NDRG2: variants seen among roughly 807,000 people sequenced by gnomAD.
NDRG2 encodes the protein protein NDRG2.
Under a neutral mutation model 58.2 loss-of-function variants are expected in NDRG2, and 34 were observed. The ratio of observed to expected loss-of-function variants is 0.58; its 90% CI spans 0.44 to 0.78. The LOEUF is 0.78. Among genes scored for constraint, NDRG2 ranks in the 30% least tolerant of loss-of-function variants. The pLI, the probability that NDRG2 is intolerant of heterozygous loss-of-function variation, is 0.00. For synonymous variants in NDRG2, 187 were observed against 175.9 expected, an observed-to-expected ratio of 1.06 and a Z score of -0.50; for missense variants, 434 against 471.2, an observed-to-expected ratio of 0.92 and a Z score of 0.73.
At chr14:21,026,711 G>A (rs1883684745), upstream of NDRG2, among the ~76,000 whole-genome samples, 2 of 152,016 alleles carry the variant, frequency 1.3e-5, no homozygotes, top group Non-Finnish European at 2.9e-5. Context: ...CCAATTTGGA[G>A]CACCCAACTT....
At chr14:21,036,401 A>G (rs1884631765) in intron 1 of NDRG2, 1 of 374,416 alleles carries the variant, frequency 2.7e-6, no homozygotes, top group African/African-American at 2.1e-5. Context: ...GGCCGCACAT[A>G]AAATACACTA....
chr14:21,018,733 C>T, intron 12 of NDRG2, 30 bp downstream of exon 12: 1 of 1,613,846 alleles, frequency 6.2e-7, no homozygotes, highest in Non-Finnish European at 8.5e-7. Context: ...CAACCCTCCT[C>T]CCTCACTCAC....
At chr14:21,043,472 A>T (rs1885006591) in intron 1 of NDRG2, 1 of 1,565,078 alleles carries the variant, frequency 6.4e-7, no homozygotes, top group Non-Finnish European at 8.6e-7. Flanking sequence ...AGGTTTCCAG[A>T]CTGGCTTGCT....
At chr14:21,044,863 C>T (rs1278341296) in intron 1 of NDRG2, among the ~76,000 whole-genome samples, 1 of 152,202 alleles carries the variant, frequency 6.6e-6, no homozygotes, top group Admixed American at 6.5e-5. Context: ...AACTCCTGTG[C>T]TTTTTTACTA....
chr14:21,040,285 T>C (rs1255777371), intron 1 of NDRG2, among the ~76,000 whole-genome samples: 1 of 152,152 alleles, frequency 6.6e-6, no homozygotes, highest in African/African-American at 2.4e-5. Context: ...TCTAGTGGCA[T>C]TTCTCATCTC....
intron 15 of NDRG2, 57 bp from the exon 16 acceptor site, chr14:21,017,819 G>C: frequency 6.2e-7 from 1 of 1,605,572 alleles, no homozygotes. Flanking sequence ...AGGGGGGCTG[G>C]CGACTCAGGG....
intron 1 of NDRG2, chr14:21,023,547 C>CA (rs1831654087): frequency 3.7e-6 from 2 of 543,178 alleles, no homozygotes; most frequent in Non-Finnish European, 6.6e-6. Flanking sequence ...TCTTGATACT[C>CA]ACCATCCCCA....
Position 21,022,900 on chromosome 14 carries a change from A to C in NDRG2, c.81T>G (p.Ala27=). Residue 27 remains alanine (A), a synonymous_variant, in exon 3 of 16, where the codon GCT becomes GCG. Coordinates refer to ENST00000556147, the MANE Select transcript of NDRG2 (RefSeq NM_001320329.2). ...CCAGGAGGATTCGGGCAGCTAACTCAGCCTCCTGGAGAGACACACACGGAT... is the reference window on the plus strand; with the variant it reads ...CCAGGAGGATTCGGGCAGCTAACTCCGCCTCCTGGAGAGACACACACGGAT... ...PGQTPEAAKE[A]ELAARILLDQ... The C allele has an allele frequency of 6.2e-7, 1 of 1,614,092 alleles. No homozygotes were observed. Among genetic ancestry groups the C allele is most frequent in the Non-Finnish European group, 8.5e-7 (1 of 1,179,982 alleles).
chr14:21,048,627 C>T (rs1248537117), intron 1 of NDRG2: 1 of 152,174 alleles, frequency 6.6e-6, no homozygotes, highest in African/African-American at 2.4e-5. Context: ...TACCACTTCA[C>T]AAGAGTATAA....
At chr14:21,028,225 T>C (rs1303414595), upstream of NDRG2, among the ~76,000 whole-genome samples, 2 of 151,510 alleles carry the variant, frequency 1.3e-5, no homozygotes, top group Non-Finnish European at 2.9e-5. Context: ...CTTAGGTTTT[T>C]TGTTTCTTGG....
chr14:21,026,737 C>T (rs1219002440), upstream of NDRG2, among the ~76,000 whole-genome samples: 5 of 152,122 alleles, frequency 3.3e-5, no homozygotes, highest in Admixed American at 2.0e-4. Context: ...CTGTTCCTTT[C>T]TCCCACTCCC....
rs1196318092 is a variant in NDRG2, at chr14:21,068,201, G to T, written c.24+2627C>A. Among the ~76,000 whole-genome samples the T allele has an allele frequency of 1.3e-3, 23 of 17,522 alleles. 4 individuals carry two copies. The highest frequency in any genetic ancestry group is 2.2e-3 in the African/African-American group (23 of 10,662). 11.5% of individuals were successfully genotyped at this position (17,522 alleles called of 152,430 possible). A position where few individuals can be genotyped will look rare whatever the true frequency, so the allele number is the denominator to read the frequency against. On this transcript the variant is annotated intron_variant, in intron 1 of 14. Transcript: ENST00000403829. ...TTTTTAGTAGAGACGGGGTTTCACCGTGTTAGCCAGGATGGTCTCGATCTC... is the reference window on the plus strand; with the variant it reads ...TTTTTAGTAGAGACGGGGTTTCACCTTGTTAGCCAGGATGGTCTCGATCTC...
chr14:21,055,709 C>A (rs917659155), intron 1 of NDRG2, among the ~76,000 whole-genome samples: 39 of 152,192 alleles, frequency 2.6e-4, no homozygotes, highest in African/African-American at 8.7e-4. Context: ...CAGCCCTGGG[C>A]TCCTGCTACC....
At position 21,070,828 on chromosome 14, in the gene NDRG2, C is replaced by T. The variant is rs1474907750; in HGVS notation, c.24G>A (p.Gln8=). 1 of 1,535,674 alleles carries T rather than the reference C, an allele frequency of 6.5e-7. No homozygotes were observed. Among genetic ancestry groups the T allele is most frequent in the South Asian group, 1.2e-5 (1 of 84,066 alleles). The change falls in exon 1 of 15, where the codon CAG becomes CAA. Residue 8 remains glutamine (Q), a splice_region_variant and synonymous_variant. Transcript: ENST00000403829. The surrounding 1 kb of genome is among the most constrained non-coding windows in gnomAD (Gnocchi z 4.7). ...GGCCCCTCGGGTCATGAGAACTGAC[C>T]TGCATGGAACCACCATTTTCCATCC...
At chr14:21,020,117 A>C (rs1257755796) in intron 8 of NDRG2, 141 bp from the exon 9 acceptor site, 1 of 687,796 alleles carries the variant, frequency 1.5e-6, no homozygotes, top group African/African-American at 1.8e-5. Flanking sequence ...AAGATGGTGA[A>C]ACCCCATCTC....
At chr14:21,025,092 C>T, upstream of NDRG2, 1 of 985,772 alleles carries the variant, frequency 1.0e-6, no homozygotes, top group Non-Finnish European at 1.2e-6. The surrounding 1 kb of genome is among the most constrained non-coding windows in gnomAD (Gnocchi z 5.1). Flanking sequence ...CCGGCTCGGG[C>T]TTCCCGCAGA....
At chr14:21,036,014 T>C (rs3762155) in intron 1 of NDRG2, 115,707 of 376,896 alleles carry the variant, frequency 0.31, 19,788 homozygotes, top group East Asian at 0.42. Flanking sequence ...TTCATGAGGA[T>C]AGTATTTTTT....
intron 10 of NDRG2, among the ~76,000 whole-genome samples, chr14:21,019,377 G>A (rs1239510116): frequency 2.0e-5 from 3 of 152,172 alleles, no homozygotes; most frequent in Admixed American, 1.3e-4. Flanking sequence ...GCAACAAAAG[G>A]GGAGGAAGGA....
Position 21,024,497 on chromosome 14 carries a change from G to C in NDRG2, c.-474C>G. 1 of 984,408 alleles carries C rather than the reference G, an allele frequency of 1.0e-6. No individual in the cohort carries two copies. Among genetic ancestry groups the C allele is most frequent in the Non-Finnish European group, 1.2e-6 (1 of 829,028 alleles). The allele number at this position is 984,408 out of a possible 1,614,324, so 61.0% of individuals were successfully genotyped here. ...GGAATAGGGGATCCCCAAAATTTTT[G>C]ACAGCTCTCCAGTAAGAGGAGGGTA... On this transcript the variant is annotated 5_prime_UTR_variant, in exon 1 of 16. An upstream open reading frame in the 5' UTR gains an earlier in-frame stop. Transcript: ENST00000556147.
Sources: gnomAD v4.1 joint callset for allele counts (sites outside exome capture counted in the v4.1 genomes callset) on GRCh38, gnomAD v4.1.1 for gene constraint, Gnocchi (gnomAD v3.1) non-coding constraint, MANE v1.5 for transcripts, NCBI Gene and HGNC (gene_info 2026-07-23, HGNC 2026-07-21) for gene names.